The following EML1 variants were observed in gnomAD, a reference collection of about 807,000 sequenced individuals.
EML1 encodes EMAP like 1.
Under a neutral mutation model 110.4 loss-of-function variants are expected in EML1, and 27 were observed. That is an observed-to-expected ratio of 0.24 (90% CI 0.18 to 0.34). The LOEUF is 0.34. EML1 is among the 10% of genes least tolerant of loss of function. The pLI, the probability that EML1 is intolerant of heterozygous loss-of-function variation, is 1.00. For synonymous variants in EML1, 344 were observed against 385.8 expected (o/e 0.89, Z 1.27); for missense variants, 741 against 1,030.9 (o/e 0.72, Z 3.85).
At chr14:99,785,362 T>C (rs575084869) in intron 1 of EML1, among the ~76,000 whole-genome samples, 4 of 152,278 alleles carry the variant, frequency 2.6e-5, no homozygotes, top group Admixed American at 2.0e-4. Flanking sequence ...GCCTCCTTTT[T>C]CTCTAATAAG....
intron 8 of EML1, among the ~76,000 whole-genome samples, chr14:99,899,714 AT>A (rs58436439): frequency 0.56 from 83,377 of 149,344 alleles, 23,410 homozygotes; most frequent in African/African-American, 0.67. Flanking sequence ...GGGTCTTTCA[AT>A]TTTTTTTTTT....
chr14:99,766,005 C>T (rs923708719), intron 1 of EML1, among the ~76,000 whole-genome samples: 1 of 152,044 alleles, frequency 6.6e-6, no homozygotes, highest in Non-Finnish European at 1.5e-5. Flanking sequence ...AAAATGATTA[C>T]TACATTTTAT....
intron 15 of EML1, among the ~76,000 whole-genome samples, chr14:99,916,556 A>G (rs1041330581): frequency 4.6e-5 from 7 of 152,182 alleles, no homozygotes; most frequent in African/African-American, 1.7e-4. Context: ...TCTAAAACAC[A>G]TGTTCAATCA....
At chr14:99,886,863 G>T (rs981741136) in intron 4 of EML1, among the ~76,000 whole-genome samples, 1 of 152,222 alleles carries the variant, frequency 6.6e-6, no homozygotes, top group Non-Finnish European at 1.5e-5. Flanking sequence ...CCTTATAAAT[G>T]CCAGTCTATG....
rs146197194 is a variant in EML1 at position 99,870,013 on chromosome 14, C to A, written c.383+4367C>A. Among the ~76,000 whole-genome samples the A allele has an allele frequency of 6.6e-5, 10 of 152,336 alleles. No individual in the cohort carries two copies. The East Asian group carries it at 1.9e-3, about 29-fold the overall frequency. On this transcript the variant is annotated intron_variant, in intron 3 of 21. Transcript: ENST00000262233. ...ATAAATTACCCAGCCTTGGGCATTC[C>A]TTTATAGCTGCACAAAACGGACTCA...
intron 1 of EML1, among the ~76,000 whole-genome samples, chr14:99,835,026 TACCCAG>T (rs1395190869): frequency 6.6e-6 from 1 of 152,058 alleles, no homozygotes; most frequent in Admixed American, 6.5e-5. Flanking sequence ...TTTCATTTGT[TACCCAG>T]GCAAGTCTCA....
rs1021581250 is a variant in EML1 at position 99,936,517 on chromosome 14, G to A, written c.2095+183G>A. On this transcript the variant is annotated intron_variant, in intron 19 of 21. Transcript: ENST00000262233. The surrounding 1 kb of genome is among the most constrained non-coding windows in gnomAD (Gnocchi z 5.5). ...CTGCGTGGCTTCTTGGGTCCTTCCC[G>A]GTTTCCTGCTGACTGTGAGCCCCTA... Among the ~76,000 whole-genome samples, 7 of 152,220 alleles carry A rather than the reference G, an allele frequency of 4.6e-5. No individual in the cohort carries two copies. Among genetic ancestry groups the A allele is most frequent in the South Asian group, 2.1e-4 (1 of 4,828 alleles).
upstream of EML1, chr14:99,793,322 C>G: frequency 1.0e-6 from 1 of 980,924 alleles, no homozygotes; most frequent in African/African-American, 1.8e-5. Context: ...GCGGCGGCGG[C>G]GGGCCCGGGG....
chr14:99,811,582 C>A (rs1014722009), intron 1 of EML1, among the ~76,000 whole-genome samples: 8 of 148,214 alleles, frequency 5.4e-5, no homozygotes, highest in Non-Finnish European at 1.2e-4. Context: ...GCGGGAGGAT[C>A]ACTTGACCCT....
At chr14:99,874,455 T>C (rs977597647) in intron 3 of EML1, among the ~76,000 whole-genome samples, 1 of 152,224 alleles carries the variant, frequency 6.6e-6, no homozygotes. Context: ...ATAAAGAGCA[T>C]TATTTTTCAC....
At chr14:99,798,760 T>G (rs1031860695) in intron 1 of EML1, among the ~76,000 whole-genome samples, 1 of 152,226 alleles carries the variant, frequency 6.6e-6, no homozygotes, top group Non-Finnish European at 1.5e-5. Context: ...TATTACCTTT[T>G]ACTGATTTTC....
intron 4 of EML1, among the ~76,000 whole-genome samples, chr14:99,881,747 C>T (rs539261643): frequency 2.0e-5 from 3 of 151,968 alleles, no homozygotes; most frequent in East Asian, 1.9e-4. Context: ...ACTACAGGTG[C>T]GTGCCACCAT....
In EML1 at chr14:99,927,131, G is replaced by A. The variant is rs114902909; in HGVS notation, c.1909+6254G>A. On this transcript the variant is annotated intron_variant, in intron 17 of 21. Coordinates refer to ENST00000262233, the MANE Select transcript of EML1 (RefSeq NM_004434.3). The stretch of plus-strand genomic sequence containing the variant: ...ATTGATGTCTTAATATCATCAGATG[G>A]CCAGTTATATGTTCCAGTTTTCAAT... Among the ~76,000 whole-genome samples the A allele has an allele frequency of 1.6e-3, 244 of 152,216 alleles. 4 individuals carry two copies. The highest frequency in any genetic ancestry group is 5.3e-3 in the African/African-American group (222 of 41,532).
At chr14:99,807,529 A>G (rs1035664391) in intron 1 of EML1, among the ~76,000 whole-genome samples, 1 of 152,228 alleles carries the variant, frequency 6.6e-6, no homozygotes, top group Non-Finnish European at 1.5e-5. Context: ...CAGCAGGCAC[A>G]GTCCCACCCT....
intron 2 of EML1, 42 bp downstream of exon 2, chr14:99,851,077 T>G (rs781268482): frequency 3.8e-6 from 6 of 1,580,390 alleles, no homozygotes; most frequent in Non-Finnish European, 5.2e-6. Context: ...AGAATTGGTC[T>G]CGTGGCAGAA....
chr14:99,758,259 G>A (rs1408476787), intron 1 of EML1, among the ~76,000 whole-genome samples: 1 of 152,236 alleles, frequency 6.6e-6, no homozygotes, highest in Non-Finnish European at 1.5e-5. Flanking sequence ...TTCACAGACA[G>A]GAAAGACTGA....
rs1458949835 is a variant in EML1, at chr14:99,871,799, G to A, written c.383+6153G>A. ...AGTTTCTTGCGATAGGATCTACTCCGAGAGAAGATGCTGTGAACACTGTTC... is the reference window on the plus strand; with the variant it reads ...AGTTTCTTGCGATAGGATCTACTCCAAGAGAAGATGCTGTGAACACTGTTC... On this transcript the variant is annotated intron_variant, in intron 3 of 21. Transcript: ENST00000262233. Among the ~76,000 whole-genome samples the A allele has an allele frequency of 2.6e-5, 4 of 152,192 alleles. No individual in the cohort carries two copies. In the East Asian group the frequency reaches 5.8e-4, roughly 22 times the overall value.
rs968766514 is a variant in EML1 at position 99,910,491 on chromosome 14, G to A, written c.1339+150G>A. On this transcript the variant is annotated intron_variant, in intron 12 of 21. Transcript: ENST00000262233. ...GACACACACATACATGTGTGCATGT[G>A]TAACTTGAAACCACAAAACTAGAAC... 1.5e-5 allele frequency: 9 copies of A among 599,914 alleles called. No homozygotes were observed. The African/African-American group carries it at 1.7e-4, about 11-fold the overall frequency. 37.2% of individuals were successfully genotyped at this position (599,914 alleles called of 1,614,324 possible). A position where few individuals can be genotyped will look rare whatever the true frequency, so the allele number is the denominator to read the frequency against.
rs148090704 is a variant in EML1, at chr14:99,849,670, C to T, written c.68-1183C>T. ...TCAAGTGATGCTCCCACCTGAGCCTCCCAAGTAGCTGGGACTATAGACGCG... is the reference window on the plus strand; with the variant it reads ...TCAAGTGATGCTCCCACCTGAGCCTTCCAAGTAGCTGGGACTATAGACGCG... On this transcript the variant is annotated intron_variant, in intron 1 of 21. Transcript: ENST00000262233. Among the ~76,000 whole-genome samples, 506 of 151,638 alleles carry T rather than the reference C, an allele frequency of 3.3e-3. 5 individuals carry two copies. Among genetic ancestry groups the T allele is most frequent in the African/African-American group, 0.012 (483 of 41,368 alleles).
Sources: gnomAD v4.1 joint callset for allele counts (sites outside exome capture counted in the v4.1 genomes callset) on GRCh38, gnomAD v4.1.1 for gene constraint, Gnocchi (gnomAD v3.1) non-coding constraint, MANE v1.5 for transcripts, NCBI Gene and HGNC (gene_info 2026-07-23, HGNC 2026-07-21) for gene names.